The following CDKL4 variants were observed in gnomAD, a reference collection of about 807,000 sequenced individuals.
CDKL4 encodes the protein cyclin-dependent kinase-like 4.
A neutral mutation model predicts 42.0 loss-of-function variants in CDKL4; 44 were observed. The ratio of observed to expected loss-of-function variants is 1.05; its 90% CI spans 0.82 to 1.35. The LOEUF is 1.35. Ranked by LOEUF, CDKL4 falls within the 40% of genes most tolerant of loss-of-function variation. CDKL4 has a pLI of 0.00. For synonymous variants in CDKL4, 120 were observed against 121.6 expected, an observed-to-expected ratio of 0.99 and a Z score of 0.09; for missense variants, 393 against 369.9, an observed-to-expected ratio of 1.06 and a Z score of -0.51.
chr2:39,198,258 G>GAC (rs1350455768), intron 5 of CDKL4, among the ~76,000 whole-genome samples: 1 of 40,246 alleles, frequency 2.5e-5, no homozygotes, highest in East Asian at 7.7e-4. Flanking sequence ...ATTATATAAT[G>GAC]ATAAAAAAAA....
At chr2:39,191,123 G>A (rs1466314026) in intron 5 of CDKL4, among the ~76,000 whole-genome samples, 1 of 152,164 alleles carries the variant, frequency 6.6e-6, no homozygotes, top group Admixed American at 6.5e-5. Flanking sequence ...TAGAGGCCGG[G>A]CATGGTGGCT....
intron 3 of CDKL4, among the ~76,000 whole-genome samples, chr2:39,215,946 G>A (rs909440262): frequency 3.3e-5 from 5 of 152,094 alleles, no homozygotes; most frequent in Non-Finnish European, 5.9e-5. Flanking sequence ...TGATATAACT[G>A]TATTCTTCTC....
At chr2:39,221,861 T>C (rs1678393291) in intron 3 of CDKL4, among the ~76,000 whole-genome samples, 1 of 152,128 alleles carries the variant, frequency 6.6e-6, no homozygotes, top group Non-Finnish European at 1.5e-5. Context: ...CTCCCTCACT[T>C]CCCGGGGTCA....
At chr2:39,205,479 T>C (rs764522643) in intron 4 of CDKL4, among the ~76,000 whole-genome samples, 5 of 151,968 alleles carry the variant, frequency 3.3e-5, no homozygotes, top group Non-Finnish European at 7.4e-5. Context: ...GAGGGGCCTA[T>C]AGCCGGGCTC....
At chr2:39,225,150 C>G (rs1678619805) in intron 3 of CDKL4, among the ~76,000 whole-genome samples, 1 of 151,902 alleles carries the variant, frequency 6.6e-6, no homozygotes, top group East Asian at 1.9e-4. Context: ...GGTGTGTGTG[C>G]CAACACTTTG....
At chr2:39,192,699 G>A (rs1676262629) in intron 5 of CDKL4, among the ~76,000 whole-genome samples, 1 of 151,750 alleles carries the variant, frequency 6.6e-6, no homozygotes, top group Admixed American at 6.6e-5. Flanking sequence ...TGAGTTTAAT[G>A]GCTGCATAAC....
chr2:39,194,670 A>G (rs1422584925), intron 5 of CDKL4, among the ~76,000 whole-genome samples: 1 of 152,164 alleles, frequency 6.6e-6, no homozygotes. Flanking sequence ...TTTTAAACCA[A>G]TTTATATAAG....
At chr2:39,203,669 T>C (rs1558561594) in intron 5 of CDKL4, among the ~76,000 whole-genome samples, 1 of 152,196 alleles carries the variant, frequency 6.6e-6, no homozygotes, top group East Asian at 1.9e-4. Flanking sequence ...TCTGCAAACA[T>C]CCCTACTAAT....
intron 4 of CDKL4, among the ~76,000 whole-genome samples, chr2:39,206,750 G>A (rs929542122): frequency 2.0e-5 from 3 of 152,214 alleles, no homozygotes; most frequent in African/African-American, 7.2e-5. Flanking sequence ...GTGATTGCAA[G>A]TGGCCACTGA....
In CDKL4 at chr2:39,222,516, G is replaced by C. The variant is rs568666486; in HGVS notation, c.290+3323C>G. 6.9e-4 allele frequency among the ~76,000 whole-genome samples: 105 copies of C among 152,248 alleles called. 1 individual carries two copies. Among genetic ancestry groups the C allele is most frequent in the African/African-American group, 2.3e-3 (96 of 41,552 alleles). On this transcript the variant is annotated intron_variant, in intron 3 of 9. Transcript: ENST00000451199. Reference sequence around the variant, plus strand: ...GAGGTGGGAGGACAGCTTGAGCCCAGGAGGTAGAGGCTGCAGTGAGCCGAG... The same window carrying C: ...GAGGTGGGAGGACAGCTTGAGCCCACGAGGTAGAGGCTGCAGTGAGCCGAG...
downstream of CDKL4, among the ~76,000 whole-genome samples, chr2:39,174,659 C>A (rs1675096370): frequency 6.6e-6 from 1 of 152,112 alleles, no homozygotes; most frequent in Admixed American, 6.5e-5. Flanking sequence ...GTTAAGTATG[C>A]CAGACACGGG....
chr2:39,210,375 T>C (rs1050280186), intron 4 of CDKL4, among the ~76,000 whole-genome samples: 1 of 152,182 alleles, frequency 6.6e-6, no homozygotes, highest in African/African-American at 2.4e-5. Flanking sequence ...TAGAACGTGT[T>C]GTTCCAAGCA....
upstream of CDKL4, among the ~76,000 whole-genome samples, chr2:39,244,819 C>G (rs1679839658): frequency 6.6e-6 from 1 of 152,066 alleles, no homozygotes; most frequent in African/African-American, 2.4e-5. Flanking sequence ...GTATCTAACT[C>G]AAGGTTTGTA....
chr2:39,172,964 G>C (rs559450926), downstream of CDKL4, among the ~76,000 whole-genome samples: 2 of 152,230 alleles, frequency 1.3e-5, no homozygotes, highest in Admixed American at 6.5e-5. Context: ...CCTCCCCAGT[G>C]ACACCTAAGT....
At chr2:39,242,785 T>A (rs891165103) in intron 1 of CDKL4, among the ~76,000 whole-genome samples, 1 of 152,064 alleles carries the variant, frequency 6.6e-6, no homozygotes, top group Non-Finnish European at 1.5e-5. Flanking sequence ...AGGAAACTCA[T>A]GTAAACAGTG....
chr2:39,246,355 CATCT>C (rs746000480), upstream of CDKL4, among the ~76,000 whole-genome samples: 34 of 152,262 alleles, frequency 2.2e-4, no homozygotes, highest in African/African-American at 3.1e-4. Context: ...TAATTTCCAC[CATCT>C]ATCATGCTAT....
intron 4 of CDKL4, among the ~76,000 whole-genome samples, chr2:39,207,357 C>T (rs942277542): frequency 1.3e-4 from 20 of 152,088 alleles, no homozygotes; most frequent in Non-Finnish European, 1.9e-4. Context: ...CGCACTCTAG[C>T]CTATGTGACA....
chr2:39,186,874 A>G, intron 7 of CDKL4, among the ~76,000 whole-genome samples: 1 of 152,246 alleles, frequency 6.6e-6, no homozygotes, highest in East Asian at 1.9e-4. Flanking sequence ...TACTAAATAT[A>G]TTTTCACTTT....
At chr2:39,201,301 A>T (rs1279175612) in intron 5 of CDKL4, among the ~76,000 whole-genome samples, 1 of 56,110 alleles carries the variant, frequency 1.8e-5, no homozygotes, top group Non-Finnish European at 7.8e-5. Context: ...ATAACCAAAA[A>T]AATAAAAAAA....
Sources: allele counts gnomAD v4.1 joint callset (sites outside exome capture counted in the v4.1 genomes callset), GRCh38; gene constraint gnomAD v4.1.1; transcripts MANE v1.5; gene names NCBI Gene and HGNC (gene_info 2026-07-23, HGNC 2026-07-21).